Variants in SSBP2 observed in about 807,000 individuals in gnomAD.
The protein encoded by SSBP2 is single-stranded DNA-binding protein 2.
A neutral mutation model predicts 61.8 loss-of-function variants in SSBP2; 17 were observed. The ratio of observed to expected loss-of-function variants is 0.28; its 90% CI spans 0.19 to 0.41. SSBP2 has a LOEUF of 0.41. Ranked by LOEUF, SSBP2 falls within the 10% of genes least tolerant of loss-of-function variation. The pLI is 1.00. For missense variants in SSBP2, 310 were observed against 458.7 expected, an observed-to-expected ratio of 0.68 and a Z score of 2.96; for synonymous variants, 139 against 141.3, an observed-to-expected ratio of 0.98 and a Z score of 0.12.
intron 8 of SSBP2, among the ~76,000 whole-genome samples, chr5:81,471,281 A>G (rs1765228498): frequency 6.6e-6 from 1 of 151,714 alleles, no homozygotes; most frequent in Admixed American, 6.6e-5. Context: ...AAACTGTCTT[A>G]TTTTCTGTTG....
At chr5:81,635,676 C>T (rs889062952) in intron 3 of SSBP2, among the ~76,000 whole-genome samples, 5 of 151,484 alleles carry the variant, frequency 3.3e-5, no homozygotes, top group Admixed American at 6.6e-5. Context: ...CTCCGCCTCC[C>T]GGGTTCACGC....
At chr5:81,459,305 C>A (rs1396740267) in intron 10 of SSBP2, among the ~76,000 whole-genome samples, 1 of 152,140 alleles carries the variant, frequency 6.6e-6, no homozygotes, top group South Asian at 2.1e-4. Context: ...TAATATACCC[C>A]CTTGGTACAA....
intron 10 of SSBP2, among the ~76,000 whole-genome samples, chr5:81,451,611 G>T (rs1763777831): frequency 6.6e-6 from 1 of 152,110 alleles, no homozygotes; most frequent in Non-Finnish European, 1.5e-5. Context: ...ATTTTCAGTA[G>T]AGATGGGGTT....
At chr5:81,627,735 G>T (rs1282844686) in intron 3 of SSBP2, among the ~76,000 whole-genome samples, 2 of 151,990 alleles carry the variant, frequency 1.3e-5, no homozygotes, top group Non-Finnish European at 2.9e-5. Context: ...ACTTTAAAAG[G>T]TGCTCTATAT....
chr5:81,738,941 G>GA (rs1006476294), intron 1 of SSBP2, among the ~76,000 whole-genome samples: 1 of 151,930 alleles, frequency 6.6e-6, no homozygotes, highest in Admixed American at 6.6e-5. Context: ...GAGGTGGGTG[G>GA]ATCACTCGAG....
At chr5:81,544,084 C>T (rs1328569788) in intron 4 of SSBP2, among the ~76,000 whole-genome samples, 1 of 152,180 alleles carries the variant, frequency 6.6e-6, no homozygotes, top group African/African-American at 2.4e-5. Context: ...GAGTCTCGCT[C>T]TGTGGCCCAG....
chr5:81,682,569 T>G (rs1717247979), intron 1 of SSBP2, among the ~76,000 whole-genome samples: 1 of 152,146 alleles, frequency 6.6e-6, no homozygotes, highest in African/African-American at 2.4e-5. Context: ...ATAACATATT[T>G]AACGGTGAAA....
At chr5:81,559,447 T>C (rs1772869595) in intron 4 of SSBP2, among the ~76,000 whole-genome samples, 1 of 151,234 alleles carries the variant, frequency 6.6e-6, no homozygotes, top group Admixed American at 6.6e-5. Context: ...CCCAGCTATT[T>C]GGGAGGCTGA....
At chr5:81,740,950 A>T (rs182145576) in intron 1 of SSBP2, among the ~76,000 whole-genome samples, 1 of 152,286 alleles carries the variant, frequency 6.6e-6, no homozygotes, top group African/African-American at 2.4e-5. Flanking sequence ...CCAACTAAAA[A>T]TGATGAATAT....
At chr5:81,661,252 C>T (rs1446056952) in intron 1 of SSBP2, among the ~76,000 whole-genome samples, 2 of 152,098 alleles carry the variant, frequency 1.3e-5, no homozygotes, top group Admixed American at 6.6e-5. Context: ...TTTCCTTCAT[C>T]TGTTGATGGA....
intron 4 of SSBP2, among the ~76,000 whole-genome samples, chr5:81,599,910 C>T (rs1307612749): frequency 6.6e-6 from 1 of 152,166 alleles, no homozygotes; most frequent in Admixed American, 6.5e-5. Context: ...ACAAATGTTT[C>T]CACAATATGC....
In SSBP2 at chr5:81,556,026, C is replaced by T. The variant is rs150802165; in HGVS notation, c.283-42309G>A. Among the ~76,000 whole-genome samples, 18 of 152,186 alleles carry T rather than the reference C, an allele frequency of 1.2e-4. No individual in the cohort carries two copies. In the East Asian group the frequency reaches 3.3e-3, roughly 28 times the overall value. ...TAGTGCAAAAGCAGCCACAGACGTA[C>T]GTCAAGAATGGGCATGGCTATGTTC... On this transcript the variant is annotated intron_variant, in intron 4 of 16. Coordinates refer to ENST00000320672, the MANE Select transcript of SSBP2 (RefSeq NM_012446.5).
In SSBP2 at chr5:81,593,211, C is replaced by T. The variant is rs544908933; in HGVS notation, c.282+22262G>A. Among the ~76,000 whole-genome samples, 50 of 152,070 alleles carry T rather than the reference C, an allele frequency of 3.3e-4. No homozygotes were observed. The South Asian group carries it at 7.3e-3, about 22-fold the overall frequency. On this transcript the variant is annotated intron_variant, in intron 4 of 16. Coordinates refer to ENST00000320672, the MANE Select transcript of SSBP2 (RefSeq NM_012446.5). ...TGACAAATGCAGAAGCCTCAGTAGC[C>T]GATGCCATCAACTGGAAGAAAGGGT... is the stretch of plus-strand genomic sequence containing the variant.
chr5:81,686,950 A>C (rs1283027218), intron 1 of SSBP2, among the ~76,000 whole-genome samples: 1 of 151,992 alleles, frequency 6.6e-6, no homozygotes, highest in Non-Finnish European at 1.5e-5. Flanking sequence ...AAAGATGGCC[A>C]AATAGAAGCA....
At chr5:81,507,883 T>G (rs1768302169) in intron 5 of SSBP2, among the ~76,000 whole-genome samples, 1 of 152,150 alleles carries the variant, frequency 6.6e-6, no homozygotes. Flanking sequence ...GAATTAGTAC[T>G]TTTGTGTTAT....
chr5:81,542,647 G>A (rs1214546098), intron 4 of SSBP2, among the ~76,000 whole-genome samples: 1 of 151,286 alleles, frequency 6.6e-6, no homozygotes, highest in Non-Finnish European at 1.5e-5. Context: ...ATATGGTTTG[G>A]TGCTGTGTCC....
At chr5:81,747,513 T>G (rs1046667799) in intron 1 of SSBP2, among the ~76,000 whole-genome samples, 1 of 152,170 alleles carries the variant, frequency 6.6e-6, no homozygotes, top group African/African-American at 2.4e-5. Flanking sequence ...TAAATAATAG[T>G]TATTTTTGTT....
At chr5:81,539,356 G>A (rs1317604930) in intron 4 of SSBP2, among the ~76,000 whole-genome samples, 1 of 152,178 alleles carries the variant, frequency 6.6e-6, no homozygotes, top group Non-Finnish European at 1.5e-5. Context: ...GATGAGCAAA[G>A]AGAGTGGTTT....
chr5:81,593,112 A>T (rs1030226617), intron 4 of SSBP2, among the ~76,000 whole-genome samples: 12 of 152,182 alleles, frequency 7.9e-5, no homozygotes, highest in Non-Finnish European at 1.5e-4. Flanking sequence ...AGACGAATGG[A>T]TAACTAGAAT....
Sources: allele counts gnomAD v4.1 joint callset (sites outside exome capture counted in the v4.1 genomes callset), GRCh38; gene constraint gnomAD v4.1.1; transcripts MANE v1.5; gene names NCBI Gene and HGNC (gene_info 2026-07-23, HGNC 2026-07-21).